Variants in PTPRO observed in about 807,000 individuals in gnomAD.
The protein encoded by PTPRO is receptor-type tyrosine-protein phosphatase O.
In PTPRO, 62 loss-of-function variants were observed where a neutral mutation model predicts 145.2. The ratio of observed to expected loss-of-function variants is 0.43; its 90% CI spans 0.35 to 0.53. The LOEUF is 0.53. Ranked by LOEUF, PTPRO falls within the 20% of genes least tolerant of loss-of-function variation. PTPRO has a pLI of 0.01. For missense variants in PTPRO, 1,345 were observed against 1,482.7 expected (o/e 0.91, Z 1.53); for synonymous variants, 565 against 514.7 (o/e 1.10, Z -1.32).
chr12:15,577,002 T>C (rs1944200966), intron 19 of PTPRO, among the ~76,000 whole-genome samples: 1 of 152,178 alleles, frequency 6.6e-6, no homozygotes. Context: ...TGAAATTTAC[T>C]AAAAATAAGT....
intron 8 of PTPRO, among the ~76,000 whole-genome samples, chr12:15,516,022 G>C (rs534660615): frequency 8.2e-6 from 1 of 121,784 alleles, no homozygotes; most frequent in South Asian, 2.5e-4. Flanking sequence ...ACAGAGTCTC[G>C]CTCTGTCACC....
At position 15,561,239 on chromosome 12, in the gene PTPRO, T is replaced by C. The variant is rs913979283; in HGVS notation, c.2711+963T>C. ...AAAACAATAAAAATATCTCATAGACTGGAAAAAAAATAGCTTATGGGGTGG... is the reference window on the plus strand; with the variant it reads ...AAAACAATAAAAATATCTCATAGACCGGAAAAAAAATAGCTTATGGGGTGG... On this transcript the variant is annotated intron_variant, in intron 17 of 26. Coordinates refer to ENST00000281171, the MANE Select transcript of PTPRO (RefSeq NM_030667.3). Among the ~76,000 whole-genome samples the C allele has an allele frequency of 5.3e-5, 8 of 152,068 alleles. No homozygotes were observed. In the East Asian group the frequency reaches 1.5e-3, roughly 29 times the overall value.
chr12:15,416,931 G>A (rs1939997308), intron 1 of PTPRO, among the ~76,000 whole-genome samples: 1 of 151,446 alleles, frequency 6.6e-6, no homozygotes, highest in South Asian at 2.1e-4. Flanking sequence ...GTGGAAAAGT[G>A]CCTGGATATA....
chr12:15,557,614 G>T (rs1181285840), intron 16 of PTPRO, 91 bp downstream of exon 16: 2 of 1,152,780 alleles, frequency 1.7e-6, no homozygotes, highest in Admixed American at 3.5e-5. Context: ...GGATAGTTTT[G>T]TCTGATTATC....
intron 7 of PTPRO, among the ~76,000 whole-genome samples, chr12:15,510,738 A>G (rs1485397442): frequency 6.6e-6 from 1 of 152,178 alleles, no homozygotes; most frequent in African/African-American, 2.4e-5. Context: ...ATAATATCAT[A>G]CCACTATAGT....
intron 10 of PTPRO, among the ~76,000 whole-genome samples, chr12:15,523,276 C>G (rs1942765935): frequency 6.6e-6 from 1 of 152,200 alleles, no homozygotes; most frequent in African/African-American, 2.4e-5. Context: ...TTTTAGTTGA[C>G]ATTGTGCTGT....
chr12:15,488,672 G>A (rs767740250), intron 2 of PTPRO, among the ~76,000 whole-genome samples: 11 of 152,260 alleles, frequency 7.2e-5, no homozygotes, highest in South Asian at 2.1e-4. Context: ...TTGGCCCCAG[G>A]GCAGTCCTTT....
chr12:15,576,159 T>C (rs533511050), intron 19 of PTPRO, among the ~76,000 whole-genome samples: 2 of 152,342 alleles, frequency 1.3e-5, no homozygotes, highest in African/African-American at 4.8e-5. Flanking sequence ...TTTGTCTTCA[T>C]AAAGATTTAA....
chr12:15,389,104 A>ATTT (rs148751888), intron 1 of PTPRO, among the ~76,000 whole-genome samples: 2,073 of 137,718 alleles, frequency 0.015, 85 homozygotes, highest in African/African-American at 0.053. Flanking sequence ...TAAATAAAGA[A>ATTT]TTTTTTTTTT....
intron 1 of PTPRO, among the ~76,000 whole-genome samples, chr12:15,477,729 T>C (rs567640022): frequency 1.8e-3 from 268 of 152,250 alleles, no homozygotes; most frequent in Middle Eastern, 3.4e-3. Context: ...CAGGGGCTGA[T>C]GACTTCACTA....
intron 4 of PTPRO, among the ~76,000 whole-genome samples, chr12:15,501,059 A>G (rs1406536255): frequency 6.6e-6 from 1 of 152,196 alleles, no homozygotes; most frequent in Non-Finnish European, 1.5e-5. Context: ...GTGTGCTTCC[A>G]TAATTTGTAA....
At position 15,501,247 on chromosome 12, in the gene PTPRO, GT is replaced by G. The variant is rs1313134836; in HGVS notation, c.662-366del. Among the ~76,000 whole-genome samples the G allele has an allele frequency of 2.0e-5, 3 of 148,550 alleles. No individual in the cohort carries two copies. The Admixed American group carries it at 2.0e-4, about 10-fold the overall frequency. On this transcript the variant is annotated intron_variant, in intron 4 of 26. Transcript: ENST00000281171. The stretch of plus-strand genomic sequence containing the variant: ...AGTACACTATACTTGTTTTGTTTTG[GT>G]TTTTTTGTAATAAAAATCCAGGAAC...
intron 1 of PTPRO, among the ~76,000 whole-genome samples, chr12:15,433,234 G>A (rs1237253705): frequency 6.7e-6 from 1 of 149,668 alleles, no homozygotes; most frequent in Non-Finnish European, 1.5e-5. Flanking sequence ...GAGTGCAGTG[G>A]TGCCGATCTC....
At chr12:15,408,318 A>C (rs118057921) in intron 1 of PTPRO, among the ~76,000 whole-genome samples, 1 of 152,172 alleles carries the variant, frequency 6.6e-6, no homozygotes, top group Non-Finnish European at 1.5e-5. Context: ...AATAAGATCA[A>C]TCATATCCTG....
At chr12:15,592,550 C>G (rs562072415) in intron 25 of PTPRO, among the ~76,000 whole-genome samples, 2 of 152,272 alleles carry the variant, frequency 1.3e-5, no homozygotes, top group South Asian at 4.1e-4. Flanking sequence ...CTGTGACCTG[C>G]CCTCTTCCTC....
intron 25 of PTPRO, among the ~76,000 whole-genome samples, chr12:15,590,602 A>G (rs568978209): frequency 1.8e-4 from 27 of 151,994 alleles, no homozygotes; most frequent in African/African-American, 6.0e-4. Context: ...CACTCCTTTT[A>G]CTTTTCTTTC....
intron 1 of PTPRO, among the ~76,000 whole-genome samples, chr12:15,453,730 C>A (rs1201600636): frequency 6.6e-6 from 1 of 152,122 alleles, no homozygotes; most frequent in Admixed American, 6.6e-5. Context: ...AATAGGAACT[C>A]TTCATTTTCT....
chr12:15,547,298 CA>C (rs1943319733), intron 13 of PTPRO, among the ~76,000 whole-genome samples: 1 of 152,092 alleles, frequency 6.6e-6, no homozygotes, highest in South Asian at 2.1e-4. Flanking sequence ...ATACGATAAA[CA>C]GAGTTATTCA....
chr12:15,552,901 G>A (rs1943507766), intron 15 of PTPRO, among the ~76,000 whole-genome samples: 1 of 143,274 alleles, frequency 7.0e-6, no homozygotes, highest in South Asian at 2.2e-4. Flanking sequence ...TCAGGTTCAA[G>A]CGATTCTTCT....
Sources: allele counts gnomAD v4.1 joint callset (sites outside exome capture counted in the v4.1 genomes callset), GRCh38; gene constraint gnomAD v4.1.1; transcripts MANE v1.5; gene names NCBI Gene and HGNC (gene_info 2026-07-23, HGNC 2026-07-21).